The following TNN variants were observed in gnomAD, a reference collection of about 807,000 sequenced individuals.
TNN encodes tenascin-N.
TNN carries 122 observed loss-of-function variants against 134.4 expected under a neutral mutation model. The ratio of observed to expected loss-of-function variants is 0.91; its 90% CI spans 0.78 to 1.06. The LOEUF is 1.06. Ranked by LOEUF, TNN falls within the 50% of genes least tolerant of loss-of-function variation. The pLI, the probability that TNN is intolerant of heterozygous loss-of-function variation, is 0.00. For missense variants in TNN, 1,739 were observed against 1,699.4 expected, an observed-to-expected ratio of 1.02 and a Z score of -0.41; for synonymous variants, 710 against 670.3, an observed-to-expected ratio of 1.06 and a Z score of -0.91.
rs185122712 is a variant in TNN, at chr1:175,103,072, T to G, written c.2119+4477T>G. 1.5e-3 allele frequency among the ~76,000 whole-genome samples: 226 copies of G among 146,026 alleles called. 19 individuals are homozygous for G. The highest frequency in any genetic ancestry group is 5.2e-3 in the African/African-American group (211 of 40,658). ...TAGTTGAACTCTTTTGGGGTTCCATTTGTAAGACCATCTGTAGCTTGATGG... is the reference window on the plus strand; with the variant it reads ...TAGTTGAACTCTTTTGGGGTTCCATGTGTAAGACCATCTGTAGCTTGATGG... On this transcript the variant is annotated intron_variant, in intron 9 of 18. Transcript: ENST00000239462.
intron 1 of TNN, among the ~76,000 whole-genome samples, chr1:175,074,409 C>T (rs1673989531): frequency 6.7e-6 from 1 of 149,444 alleles, no homozygotes; most frequent in Non-Finnish European, 1.5e-5. Context: ...CACTGGAGCC[C>T]AGGAGGTGGA....
In TNN at chr1:175,094,084, T is replaced by A. The variant is rs1365799286; in HGVS notation, c.1419T>A (p.Tyr473Ter). 4 of 1,614,112 alleles carry A rather than the reference T, an allele frequency of 2.5e-6. No homozygotes were observed. Among genetic ancestry groups the A allele is most frequent in the Non-Finnish European group, 3.4e-6 (4 of 1,180,046 alleles). Residue 473 changes from tyrosine (Y) to a stop codon, truncating the protein, a stop_gained, in exon 7 of 19, where the codon TAT (tyrosine) becomes TAA (stop). Transcript: ENST00000239462. LOFTEE classifies it high-confidence loss of function. ...CAGTGCAGGCTGTCATAGACAAGTATGTAGTGCGCTACACTTCTGCTGATG... is the reference window on the plus strand; with the variant it reads ...CAGTGCAGGCTGTCATAGACAAGTAAGTAGTGCGCTACACTTCTGCTGATG... Reference protein sequence around the residue: ...WDPVQAVIDKYVVRYTSADGD... With the variant: ...WDPVQAVIDK
intron 1 of TNN, among the ~76,000 whole-genome samples, chr1:175,071,467 A>G (rs1422002528): frequency 6.6e-6 from 1 of 152,196 alleles, no homozygotes; most frequent in Non-Finnish European, 1.5e-5. Flanking sequence ...CCAGCTTCTC[A>G]TGAGAATTGA....
intron 2 of TNN, among the ~76,000 whole-genome samples, chr1:175,078,989 C>T (rs892694383): frequency 2.0e-5 from 3 of 152,062 alleles, no homozygotes; most frequent in Non-Finnish European, 4.4e-5. Context: ...CATAGGAAGG[C>T]ACTAAATAAT....
At chr1:175,102,771 G>C (rs559978451) in intron 9 of TNN, among the ~76,000 whole-genome samples, 26 of 146,466 alleles carry the variant, frequency 1.8e-4, no homozygotes, top group Admixed American at 1.2e-3. Context: ...TGGACTGAAG[G>C]GCTCCTCAAA....
At chr1:175,137,058 G>A in intron 17 of TNN, 70 bp downstream of exon 17, 4 of 1,502,486 alleles carry the variant, frequency 2.7e-6, no homozygotes, top group African/African-American at 2.7e-5. Flanking sequence ...TTTGCCGTGT[G>A]CCACTGATCT....
At chr1:175,102,696 C>T (rs1332898860) in intron 9 of TNN, among the ~76,000 whole-genome samples, 1 of 146,208 alleles carries the variant, frequency 6.8e-6, no homozygotes, top group Non-Finnish European at 1.5e-5. Flanking sequence ...CCACACCTCC[C>T]CGCAAGCTGA....
intron 9 of TNN, among the ~76,000 whole-genome samples, chr1:175,106,827 C>A (rs1674868359): frequency 1.4e-5 from 2 of 145,640 alleles, no homozygotes; most frequent in African/African-American, 4.9e-5. Flanking sequence ...TGGTTCTAGG[C>A]AAACCAACGG....
chr1:175,133,330 C>T (rs1018613189), intron 15 of TNN, among the ~76,000 whole-genome samples: 2 of 152,226 alleles, frequency 1.3e-5, no homozygotes, highest in Non-Finnish European at 2.9e-5. Context: ...AACTCTGCCT[C>T]CATTTTCTTG....
intron 1 of TNN, among the ~76,000 whole-genome samples, chr1:175,072,094 A>G (rs1673928049): frequency 6.6e-6 from 1 of 152,230 alleles, no homozygotes; most frequent in Non-Finnish European, 1.5e-5. Flanking sequence ...AAGAGAGAAC[A>G]CAGCAGAAGC....
At chr1:175,128,246 C>G (rs554281855) in intron 14 of TNN, 82 bp downstream of exon 14, 20 of 1,275,724 alleles carry the variant, frequency 1.6e-5, no homozygotes, top group Non-Finnish European at 2.2e-5. Context: ...CAGGGAGGAG[C>G]AAGTGGATGC....
chr1:175,128,707 G>A lies in TNN; in HGVS notation c.3291G>A (p.Gln1097=), dbSNP rs1675597111. The change falls in exon 15 of 19, where the codon CAG becomes CAA. Residue 1097 remains glutamine (Q), a synonymous_variant. Transcript: ENST00000239462. The part of the protein sequence containing the change: ...YLHGDASRPL[Q]VYCDMETDGG... The stretch of plus-strand genomic sequence containing the variant: ...ATGGCGATGCCAGCCGGCCCCTGCA[G>A]GTGTACTGTGACATGGAAACGGACG... 1 of 1,614,010 alleles carries A rather than the reference G, an allele frequency of 6.2e-7. No homozygotes were observed. Among genetic ancestry groups the A allele is most frequent in the Admixed American group, 1.7e-5 (1 of 60,000 alleles).
chr1:175,119,631 TTTTTTTC>T lies in TNN; in HGVS notation c.2650+814_2650+820del, dbSNP rs1485558702. 1.2e-4 allele frequency among the ~76,000 whole-genome samples: 17 copies of T among 143,758 alleles called. No individual in the cohort carries two copies. In the East Asian group the frequency reaches 2.2e-3, roughly 19 times the overall value. 94.3% of individuals were successfully genotyped at this position (143,758 alleles called of 152,430 possible). A position where few individuals can be genotyped will look rare whatever the true frequency, so the allele number is the denominator to read the frequency against. On this transcript the variant is annotated intron_variant, in intron 11 of 18. Coordinates refer to ENST00000239462, the MANE Select transcript of TNN (RefSeq NM_022093.2). Reference sequence around the variant, plus strand: ...AGTGGGAGCAGTCCCATGAATGCCTTTTTTTTCTTTTTTTTTTTTTTTTGAGACAGTC... The same window carrying T: ...AGTGGGAGCAGTCCCATGAATGCCTTTTTTTTTTTTTTTTTTGAGACAGTC...
At chr1:175,083,261 C>A (rs1390439047) in intron 4 of TNN, among the ~76,000 whole-genome samples, 1 of 152,188 alleles carries the variant, frequency 6.6e-6, no homozygotes, top group Admixed American at 6.5e-5. Context: ...GAGGAAGGAG[C>A]TTGTTGGATT....
At chr1:175,118,493 A>G (rs1675247009) in intron 10 of TNN, 68 bp from the exon 11 acceptor site, 1 of 1,583,106 alleles carries the variant, frequency 6.3e-7, no homozygotes, top group African/African-American at 1.4e-5. Context: ...CCCCACGCAA[A>G]ATGACCACCA....
intron 9 of TNN, among the ~76,000 whole-genome samples, chr1:175,100,861 G>C (rs1234941245): frequency 6.6e-6 from 1 of 152,008 alleles, no homozygotes; most frequent in Non-Finnish European, 1.5e-5. Context: ...ATAGACATTT[G>C]TTTCTTTTTT....
rs751667897 is a variant in TNN, at chr1:175,144,374, T to TTC, written c.3596-8_3596-7dup. 1.6e-5 allele frequency: 26 copies of TTC among 1,613,014 alleles called. No individual in the cohort carries two copies. The highest frequency in any genetic ancestry group is 2.1e-5 in the Non-Finnish European group (25 of 1,179,362). ...AACCCTGGGCTCTCGCCTCCGTCTCTTCTCTCCTGCAGGGGATGCTCTTAC... is the reference window on the plus strand; with the variant it reads ...AACCCTGGGCTCTCGCCTCCGTCTCTTCTCTCTCCTGCAGGGGATGCTCTTAC... On this transcript the variant is annotated splice_polypyrimidine_tract_variant and intron_variant, in intron 17 of 18. Transcript: ENST00000239462.
intron 11 of TNN, 29 bp downstream of exon 11, chr1:175,118,853 C>T (rs528555375): frequency 2.8e-5 from 45 of 1,611,904 alleles, no homozygotes; most frequent in Admixed American, 1.5e-4. Flanking sequence ...AGAGCAAACC[C>T]GGGTAGTAGC....
intron 15 of TNN, among the ~76,000 whole-genome samples, chr1:175,134,453 G>A (rs1055214480): frequency 6.6e-6 from 1 of 151,874 alleles, no homozygotes; most frequent in Admixed American, 6.6e-5. Context: ...GCTGAGGCAG[G>A]AGAGTCGCTT....
Sources: gnomAD v4.1 joint callset for allele counts (sites outside exome capture counted in the v4.1 genomes callset) on GRCh38, gnomAD v4.1.1 for gene constraint, MANE v1.5 for transcripts, NCBI Gene and HGNC (gene_info 2026-07-23, HGNC 2026-07-21) for gene names.